The following DAPK1 variants were observed in gnomAD, a reference collection of about 807,000 sequenced individuals.
DAPK1 encodes the protein death-associated protein kinase 1.
A neutral mutation model predicts 144.9 loss-of-function variants in DAPK1; 56 were observed. The observed-to-expected ratio is 0.39, with a 90% confidence interval of 0.31 to 0.48. The LOEUF (loss-of-function observed/expected upper bound fraction) is 0.48. DAPK1 is among the 20% of genes least tolerant of loss of function. DAPK1 has a pLI of 0.95. For missense variants in DAPK1, 1,454 were observed against 1,875.4 expected (o/e 0.78, Z 4.15); for synonymous variants, 690 against 749.0 (o/e 0.92, Z 1.29).
intron 3 of DAPK1, among the ~76,000 whole-genome samples, chr9:87,610,220 G>A (rs1353401531): frequency 6.6e-6 from 1 of 152,198 alleles, no homozygotes; most frequent in African/African-American, 2.4e-5. Flanking sequence ...GCTCAGCATA[G>A]CATATACCTG....
At chr9:87,543,468 A>T (rs1826127756) in intron 2 of DAPK1, among the ~76,000 whole-genome samples, 1 of 152,214 alleles carries the variant, frequency 6.6e-6, no homozygotes. Context: ...ATGTTCTCTG[A>T]AGAGGTAGAT....
intron 2 of DAPK1, among the ~76,000 whole-genome samples, chr9:87,532,599 G>A (rs997174436): frequency 1.3e-5 from 2 of 152,036 alleles, no homozygotes; most frequent in Non-Finnish European, 2.9e-5. Flanking sequence ...TATTTTGATA[G>A]CATTTTTATA....
chr9:87,547,558 G>T (rs1202496646), intron 2 of DAPK1, among the ~76,000 whole-genome samples: 2 of 135,480 alleles, frequency 1.5e-5, no homozygotes, highest in East Asian at 4.6e-4. Context: ...AGAACCATAA[G>T]TGTGTGTGGA....
intron 2 of DAPK1, among the ~76,000 whole-genome samples, chr9:87,533,906 G>A (rs2008677): frequency 0.27 from 41,684 of 152,096 alleles, 6,238 homozygotes; most frequent in Non-Finnish European, 0.34. Flanking sequence ...CAGGTGATCC[G>A]CCCACCATGG....
chr9:87,647,764 T>C (rs1430552896), intron 14 of DAPK1, among the ~76,000 whole-genome samples: 1 of 152,244 alleles, frequency 6.6e-6, no homozygotes, highest in African/African-American at 2.4e-5. Flanking sequence ...TCTCTTCTTC[T>C]TTGAAGTGGC....
intron 2 of DAPK1, among the ~76,000 whole-genome samples, chr9:87,514,842 C>T (rs1166528137): frequency 2.6e-5 from 4 of 152,320 alleles, no homozygotes; most frequent in Admixed American, 6.5e-5. Flanking sequence ...CCCATATCCT[C>T]GTGACTGCAT....
intron 2 of DAPK1, among the ~76,000 whole-genome samples, chr9:87,547,554 A>G (rs1217305795): frequency 2.1e-5 from 3 of 145,622 alleles, no homozygotes; most frequent in Admixed American, 1.4e-4. Flanking sequence ...AAACAGAACC[A>G]TAAGTGTGTG....
At chr9:87,499,379 C>G (rs1587659955) in intron 2 of DAPK1, 1 of 480,592 alleles carries the variant, frequency 2.1e-6, no homozygotes. Context: ...TGATCCAGTC[C>G]CCTGGACAAA....
chr9:87,545,848 T>G (rs549907816), intron 2 of DAPK1, among the ~76,000 whole-genome samples: 1 of 152,272 alleles, frequency 6.6e-6, no homozygotes, highest in African/African-American at 2.4e-5. Flanking sequence ...CCTGGCCACA[T>G]TTCAGCCTTA....
At chr9:87,524,517 T>C (rs1288460043) in intron 2 of DAPK1, among the ~76,000 whole-genome samples, 1 of 152,190 alleles carries the variant, frequency 6.6e-6, no homozygotes, top group Non-Finnish European at 1.5e-5. Context: ...GTGGGTTTCT[T>C]GCCAGAACCA....
chr9:87,631,635 C>T (rs1366652228), intron 3 of DAPK1, among the ~76,000 whole-genome samples: 1 of 152,210 alleles, frequency 6.6e-6, no homozygotes, highest in Non-Finnish European at 1.5e-5. Context: ...TTCCATCAGC[C>T]TCCCTTCTCC....
chr9:87,606,117 C>T (rs767592921), intron 3 of DAPK1, among the ~76,000 whole-genome samples: 1 of 152,154 alleles, frequency 6.6e-6, no homozygotes, highest in Non-Finnish European at 1.5e-5. Flanking sequence ...CCCTTCTTTG[C>T]GATCCAACGG....
At chr9:87,578,664 A>G (rs1827644758) in intron 2 of DAPK1, among the ~76,000 whole-genome samples, 1 of 152,212 alleles carries the variant, frequency 6.6e-6, no homozygotes, top group Non-Finnish European at 1.5e-5. Context: ...TAAAATACAA[A>G]ACCCAAACAA....
chr9:87,528,770 G>C (rs575448060), intron 2 of DAPK1, among the ~76,000 whole-genome samples: 26 of 150,920 alleles, frequency 1.7e-4, no homozygotes, highest in Admixed American at 1.5e-3. Context: ...TACTCGGGAG[G>C]CTGAGGCAGG....
At chr9:87,591,138 G>A (rs1828118247) in intron 2 of DAPK1, among the ~76,000 whole-genome samples, 1 of 152,230 alleles carries the variant, frequency 6.6e-6, no homozygotes. Flanking sequence ...TTAGCCTCTA[G>A]GAGACCAGCA....
rs149553678 is a variant in DAPK1 at position 87,501,797 on chromosome 9, T to C, written c.62+2658T>C. Among the ~76,000 whole-genome samples, 289 of 152,334 alleles carry C rather than the reference T, an allele frequency of 1.9e-3. 1 individual carries two copies. Among genetic ancestry groups the C allele is most frequent in the African/African-American group, 6.5e-3 (272 of 41,576 alleles). On this transcript the variant is annotated intron_variant, in intron 2 of 25. Transcript: ENST00000408954. Reference sequence around the variant, plus strand: ...TCTCTGTCAACGGTCAGGAACTTTATAGAGTATTGCAACTATTGCAGCAGT... The same window carrying C: ...TCTCTGTCAACGGTCAGGAACTTTACAGAGTATTGCAACTATTGCAGCAGT...
intron 2 of DAPK1, among the ~76,000 whole-genome samples, chr9:87,586,536 CTA>C (rs1418736247): frequency 1.3e-5 from 2 of 152,120 alleles, no homozygotes; most frequent in Non-Finnish European, 2.9e-5. Flanking sequence ...TGATAAAACA[CTA>C]TTGGACACGT....
At chr9:87,510,064 C>T (rs1352633158) in intron 2 of DAPK1, among the ~76,000 whole-genome samples, 2 of 152,186 alleles carry the variant, frequency 1.3e-5, no homozygotes, top group Non-Finnish European at 2.9e-5. Flanking sequence ...TTACATACAG[C>T]CTCAGGCATC....
chr9:87,534,192 G>A (rs1825789014), intron 2 of DAPK1, among the ~76,000 whole-genome samples: 1 of 150,494 alleles, frequency 6.6e-6, no homozygotes, highest in African/African-American at 2.4e-5. Context: ...CAATATATGT[G>A]CAATGTGCGA....
Sources: allele counts gnomAD v4.1 joint callset (sites outside exome capture counted in the v4.1 genomes callset), GRCh38; gene constraint gnomAD v4.1.1; transcripts MANE v1.5; gene names NCBI Gene and HGNC (gene_info 2026-07-23, HGNC 2026-07-21).